Variants in UCKL1 observed in about 807,000 individuals in gnomAD.
UCKL1 encodes uridine-cytidine kinase 1 like 1.
UCKL1 carries 65 observed loss-of-function variants against 59.2 expected under a neutral mutation model. The observed-to-expected ratio is 1.10, with a 90% confidence interval of 0.90 to 1.35. The LOEUF is 1.35. Among genes scored for constraint, UCKL1 ranks in the 40% most tolerant of loss-of-function variants. The probability of loss-of-function intolerance (pLI) is 0.00; values close to 1 mark genes in which losing one functional copy is unlikely to be tolerated. For missense variants in UCKL1, 703 were observed against 784.3 expected (o/e 0.90, Z 1.24); for synonymous variants, 410 against 323.1 (o/e 1.27, Z -2.88).
Position 63,939,871 on chromosome 20 carries a change from ATAAAT to A in UCKL1, c.*100_*104del. ...TTATTTATTTTATAAAATGCATAGA[ATAAAT>A]TATACTAGTAACATTTTAAAAATTA... On this transcript the variant is annotated 3_prime_UTR_variant, in exon 15 of 15. Transcript: ENST00000354216. The A allele has an allele frequency of 1.0e-6, 1 of 991,444 alleles. No homozygotes were observed. The highest frequency in any genetic ancestry group is 1.6e-5 in the South Asian group (1 of 64,158). The allele number at this position is 991,444 out of a possible 1,614,324, so 61.4% of individuals were successfully genotyped here. A position where few individuals can be genotyped will look rare whatever the true frequency, so the allele number is the denominator to read the frequency against.
intron 5 of UCKL1, among the ~76,000 whole-genome samples, chr20:63,945,393 C>T (rs1195556199): frequency 6.6e-6 from 1 of 152,250 alleles, no homozygotes; most frequent in Non-Finnish European, 1.5e-5. Context: ...ACGAGAACGC[C>T]AAGGACACTC....
chr20:63,944,638 C>T lies in UCKL1; in HGVS notation c.751G>A (p.Gly251Ser), dbSNP rs1296189204. ...AACTTGTTGTACTGCTTGATGACAC[C>T]CTCGATGTCCCGGCCGCGCTCACTG... ...DISERGRDIE[G>S]VIKQYNKFVK... Residue 251 changes from glycine to serine, a missense_variant, in exon 6 of 15, where the codon GGT becomes AGT. By Grantham distance (56) the Gly-to-Ser change is moderately conservative. Coordinates refer to ENST00000354216, the MANE Select transcript of UCKL1 (RefSeq NM_017859.4). The T allele has an allele frequency of 1.2e-6, 2 of 1,613,082 alleles. No homozygotes were observed. Among genetic ancestry groups the T allele is most frequent in the Non-Finnish European group, 8.5e-7 (1 of 1,179,968 alleles).
Position 63,940,362 on chromosome 20 carries a change from C to T in UCKL1, c.1410+16G>A. The stretch of plus-strand genomic sequence containing the variant: ...CCTCTGCCTGAACCTGCCCCGCCTA[C>T]CCAGGGCTCACTCACCAGGAGCACG... On this transcript the variant is annotated intron_variant, in intron 13 of 14. Coordinates refer to ENST00000354216, the MANE Select transcript of UCKL1 (RefSeq NM_017859.4). 2 of 1,611,850 alleles carry T rather than the reference C, an allele frequency of 1.2e-6. No homozygotes were observed. The highest frequency in any genetic ancestry group is 2.2e-5 in the South Asian group (2 of 91,066).
intron 1 of UCKL1, among the ~76,000 whole-genome samples, chr20:63,953,210 T>C (rs1375922619): frequency 1.3e-5 from 2 of 152,110 alleles, no homozygotes; most frequent in Non-Finnish European, 1.5e-5. Context: ...AGAAACCCTG[T>C]CTCTACTAAA....
At chr20:63,944,323 C>CT in intron 7 of UCKL1, 74 bp downstream of exon 7, 1 of 1,439,066 alleles carries the variant, frequency 6.9e-7, no homozygotes, top group Non-Finnish European at 9.4e-7. Flanking sequence ...GACCAGGCCA[C>CT]TGGGGGTGGT....
At chr20:63,952,841 TCA>T (rs1281430576) in intron 1 of UCKL1, among the ~76,000 whole-genome samples, 3 of 152,248 alleles carry the variant, frequency 2.0e-5, no homozygotes, top group Non-Finnish European at 4.4e-5. Flanking sequence ...ACAGCTTGCC[TCA>T]GTTTCCTCCT....
chr20:63,941,268 C>T (rs1478804154), intron 8 of UCKL1, 60 bp from the exon 9 acceptor site: 1 of 1,453,852 alleles, frequency 6.9e-7, no homozygotes, highest in Non-Finnish European at 9.1e-7. Flanking sequence ...GCCCTCCCTC[C>T]CCACAGGACG....
chr20:63,941,944 G>A (rs1284789933), intron 8 of UCKL1, among the ~76,000 whole-genome samples: 2 of 151,420 alleles, frequency 1.3e-5, no homozygotes, highest in African/African-American at 2.4e-5. Flanking sequence ...GAAGGAAAGA[G>A]GCAGGGCACG....
intron 8 of UCKL1, 119 bp downstream of exon 8, chr20:63,943,534 C>G: frequency 6.8e-7 from 1 of 1,480,220 alleles, no homozygotes; most frequent in Non-Finnish European, 9.3e-7. Context: ...CCACTCCACA[C>G]CACCCCTTCT....
chr20:63,940,764 TC>T, intron 11 of UCKL1, 29 bp downstream of exon 11: 1 of 1,604,042 alleles, frequency 6.2e-7, no homozygotes, highest in Non-Finnish European at 8.5e-7. Context: ...CAGCAGCCTG[TC>T]CCGCGCCCAG....
At position 63,951,222 on chromosome 20, in the gene UCKL1, G is replaced by A. The variant is rs1032607680; in HGVS notation, c.114-4579C>T. The A allele has an allele frequency of 1.7e-5, 17 of 994,260 alleles. No homozygotes were observed. The African/African-American group carries it at 2.6e-4, about 15-fold the overall frequency. 61.6% of individuals were successfully genotyped at this position (994,260 alleles called of 1,614,324 possible). A position where few individuals can be genotyped will look rare whatever the true frequency, so the allele number is the denominator to read the frequency against. On this transcript the variant is annotated intron_variant, in intron 1 of 14. Transcript: ENST00000354216. Reference sequence around the variant, plus strand: ...CTTGTGTATGCCTGATATTAATAGCGCTGGCTTTGCCTGGTGTGGCCCTGA... The same window carrying A: ...CTTGTGTATGCCTGATATTAATAGCACTGGCTTTGCCTGGTGTGGCCCTGA...
intron 1 of UCKL1, 69 bp downstream of exon 1, chr20:63,956,191 C>A: frequency 1.5e-6 from 2 of 1,353,480 alleles, no homozygotes; most frequent in Non-Finnish European, 1.9e-6. Flanking sequence ...ACGGACCACC[C>A]GCCCAGCTCG....
At chr20:63,951,586 C>T (rs555309946) in intron 1 of UCKL1, among the ~76,000 whole-genome samples, 2 of 152,326 alleles carry the variant, frequency 1.3e-5, no homozygotes, top group South Asian at 4.1e-4. Context: ...ACTGCCTTGC[C>T]CTACCCCCAC....
At chr20:63,956,160 G>A (rs1601439948) in intron 1 of UCKL1, 100 bp downstream of exon 1, 3 of 1,145,036 alleles carry the variant, frequency 2.6e-6, no homozygotes, top group East Asian at 6.5e-5. Flanking sequence ...CGGGAGTGGG[G>A]GACTTGGGCT....
intron 7 of UCKL1, among the ~76,000 whole-genome samples, chr20:63,944,152 G>C (rs1055018373): frequency 3.3e-5 from 5 of 152,340 alleles, no homozygotes; most frequent in Admixed American, 6.5e-5. Flanking sequence ...CCTCGGCTGG[G>C]TCCTGAGCAC....
In UCKL1 at chr20:63,946,524, G is replaced by A. The variant is rs1332297307; in HGVS notation, c.233C>T (p.Thr78Ile). The change falls in exon 2 of 15, where the codon ACC becomes ATC. Residue 78 changes from threonine (T) to isoleucine (I), a missense_variant. Around this residue, in one of 4 missense-constraint regions of UCKL1, gnomAD observed 398 missense variants for 373.0 expected, o/e 1.07. Coordinates refer to ENST00000354216, the MANE Select transcript of UCKL1 (RefSeq NM_017859.4). ...GGGCGGCCGCCCGGCGGTGTAGATG[G>A]TACGCTTGCTTGTACGCAGCAGGGG... ...EPPLLRTSKR[T>I]IYTAGRPPWY... The A allele has an allele frequency of 6.2e-7, 1 of 1,605,494 alleles. No homozygotes were observed.
At position 63,940,938 on chromosome 20, in the gene UCKL1, C is replaced by T. The variant is rs201491234; in HGVS notation, c.1116+12G>A. The T allele has an allele frequency of 1.3e-6, 2 of 1,520,482 alleles. No homozygotes were observed. Among genetic ancestry groups the T allele is most frequent in the Non-Finnish European group, 8.8e-7 (1 of 1,133,200 alleles). 94.2% of individuals were successfully genotyped at this position (1,520,482 alleles called of 1,614,324 possible). A position where few individuals can be genotyped will look rare whatever the true frequency, so the allele number is the denominator to read the frequency against. On this transcript the variant is annotated intron_variant, in intron 10 of 14. Transcript: ENST00000354216. The stretch of plus-strand genomic sequence containing the variant: ...GACCCACCCTCCACCTCGCGGGCTA[C>T]GGGCTACGAACCTGAAAGGGCAGGA...
chr20:63,941,827 G>A (rs2054549579), intron 8 of UCKL1, among the ~76,000 whole-genome samples: 4 of 151,908 alleles, frequency 2.6e-5, no homozygotes, highest in African/African-American at 7.3e-5. Context: ...AGGAGGCAAA[G>A]CCGGAAAGGG....
At chr20:63,953,709 G>A (rs552950554) in intron 1 of UCKL1, 4 of 152,468 alleles carry the variant, frequency 2.6e-5, no homozygotes, top group Admixed American at 2.0e-4. Context: ...AAGAAAGGAA[G>A]AAAAATAAGC....
Sources: gnomAD v4.1 joint callset for allele counts (sites outside exome capture counted in the v4.1 genomes callset) on GRCh38, gnomAD v4.1.1 for gene constraint, gnomAD v4.1.1 regional missense constraint, MANE v1.5 for transcripts, NCBI Gene and HGNC (gene_info 2026-07-23, HGNC 2026-07-21) for gene names.